Variants in DMD observed in about 807,000 individuals in gnomAD.
The protein encoded by DMD is dystrophin.
In DMD, 63 loss-of-function variants were observed where a neutral mutation model predicts 330.1. The observed-to-expected ratio is 0.19, with a 90% CI of 0.16 to 0.24. DMD has a LOEUF of 0.24. Ranked by LOEUF, DMD falls within the 10% of genes least tolerant of loss-of-function variation. The probability of loss-of-function intolerance (pLI) is 1.00; values close to 1 mark genes in which losing one functional copy is unlikely to be tolerated. For missense variants in DMD, 3,344 were observed against 2,684.1 expected (o/e 1.25, Z -5.43); for synonymous variants, 1,223 against 959.8 (o/e 1.27, Z -5.07).
chrX:32,049,051 G>A (rs756178505), intron 44 of DMD, among the ~76,000 whole-genome samples: 10 of 111,213 alleles, frequency 9.0e-5, no homozygotes, highest in Non-Finnish European at 1.9e-4. Context: ...CAAAATGAAT[G>A]AAAGCCACTG....
chrX:31,835,702 A>G (rs2093181282), intron 49 of DMD, among the ~76,000 whole-genome samples: 1 of 111,919 alleles, frequency 8.9e-6, no homozygotes, highest in Non-Finnish European at 1.9e-5. Context: ...ACAATCTTCT[A>G]GAAATGAAGC....
intron 1 of DMD, among the ~76,000 whole-genome samples, chrX:33,168,387 T>C (rs747727974): frequency 1.8e-5 from 2 of 110,467 alleles, no homozygotes; most frequent in Non-Finnish European, 3.8e-5. Flanking sequence ...TGTAGTGGGC[T>C]CAGGTGTTTT....
intron 54 of DMD, among the ~76,000 whole-genome samples, chrX:31,637,124 G>A (rs2079462930): frequency 9.0e-6 from 1 of 111,705 alleles, no homozygotes; most frequent in East Asian, 2.8e-4. Context: ...CCAACTGAAC[G>A]ATGAATTAAT....
At chrX:33,267,895 A>G (rs917297723) in intron 1 of DMD, among the ~76,000 whole-genome samples, 2 of 111,893 alleles carry the variant, frequency 1.8e-5, no homozygotes, top group Non-Finnish European at 3.8e-5. Context: ...ATATACAAAA[A>G]TAAACTCATG....
At chrX:32,162,979 T>G (rs780464031) in intron 44 of DMD, among the ~76,000 whole-genome samples, 1 of 111,516 alleles carries the variant, frequency 9.0e-6, no homozygotes, top group Non-Finnish European at 1.9e-5. Flanking sequence ...CACATACTTC[T>G]TCCCTGAATC....
At chrX:32,131,885 G>A (rs2096696961) in intron 44 of DMD, among the ~76,000 whole-genome samples, 1 of 111,839 alleles carries the variant, frequency 8.9e-6, no homozygotes, top group Non-Finnish European at 1.9e-5. Flanking sequence ...AGTAGTTGGA[G>A]GGTAAAGTCA....
At chrX:32,732,798 C>A (rs1232010956) in intron 7 of DMD, among the ~76,000 whole-genome samples, 1 of 110,270 alleles carries the variant, frequency 9.1e-6, no homozygotes, top group African/African-American at 3.3e-5. Flanking sequence ...GTACCAGCCG[C>A]TGCAAAATCA....
rs2032566243 is a variant in DMD, at chrX:31,121,577, A to T, written c.*342T>A. 1 of 290,124 alleles carries T rather than the reference A, an allele frequency of 3.4e-6. No individual in the cohort carries two copies. The highest frequency in any genetic ancestry group is 2.7e-5 in the African/African-American group (1 of 36,486). The allele number at this position is 290,124 out of a possible 1,213,427, so 23.9% of individuals were successfully genotyped here. The stretch of plus-strand genomic sequence containing the variant: ...AACAACCCAAAATGCGTTCCATATA[A>T]AGAAATGGCAAGTTATTTAGCTATC... On this transcript the variant is annotated 3_prime_UTR_variant, in exon 79 of 79. Coordinates refer to ENST00000357033, the MANE Select transcript of DMD (RefSeq NM_004006.3).
chrX:31,527,032 T>A (rs1295115002), intron 55 of DMD, among the ~76,000 whole-genome samples: 1 of 111,113 alleles, frequency 9.0e-6, no homozygotes, highest in Admixed American at 9.5e-5. Flanking sequence ...GAGGATCACC[T>A]GAGCCCAGGG....
intron 55 of DMD, among the ~76,000 whole-genome samples, chrX:31,527,932 T>C (rs1407286581): frequency 9.0e-6 from 1 of 111,553 alleles, no homozygotes; most frequent in African/African-American, 3.3e-5. Flanking sequence ...TAGTTTCTCT[T>C]TTCTGCAGTG....
chrX:31,522,604 T>C (rs1309480454), intron 55 of DMD, among the ~76,000 whole-genome samples: 2 of 108,423 alleles, frequency 1.8e-5, no homozygotes, highest in African/African-American at 6.8e-5. Flanking sequence ...AAGGGAGATA[T>C]TTTTGAGAGA....
intron 12 of DMD, among the ~76,000 whole-genome samples, chrX:32,608,012 C>A (rs751672695): frequency 3.8e-4 from 42 of 109,299 alleles, no homozygotes; most frequent in Admixed American, 3.3e-3. Context: ...AATGTTAGTG[C>A]CTCTAAGATG....
Position 32,406,090 on chromosome X carries a change from G to T in DMD, c.4233+5662C>A, listed in dbSNP as rs183059176. Among the ~76,000 whole-genome samples, 560 of 111,588 alleles carry T rather than the reference G, an allele frequency of 5.0e-3. 4 individuals are homozygous for T. Among genetic ancestry groups the T allele is most frequent in the African/African-American group, 0.018 (543 of 30,730 alleles). On this transcript the variant is annotated intron_variant, in intron 30 of 78. Coordinates refer to ENST00000357033, the MANE Select transcript of DMD (RefSeq NM_004006.3). Reference sequence around the variant, plus strand: ...GTGTATAAGAATGCTTGTGATTTTTGCACATTGATTTTGCATGCTGAGACT... The same window carrying T: ...GTGTATAAGAATGCTTGTGATTTTTTCACATTGATTTTGCATGCTGAGACT...
chrX:33,055,954 A>G (rs1054367789), intron 1 of DMD, among the ~76,000 whole-genome samples: 15 of 110,443 alleles, frequency 1.4e-4, no homozygotes, highest in Non-Finnish European at 1.9e-5. Context: ...CCTAGAGACT[A>G]TATCAAAATC....
intron 1 of DMD, among the ~76,000 whole-genome samples, chrX:33,228,631 C>T (rs1178926540): frequency 9.2e-6 from 1 of 108,983 alleles, no homozygotes; most frequent in East Asian, 2.9e-4. Flanking sequence ...CAGTTAAATA[C>T]ATTAGAAAAG....
At chrX:31,779,059 C>T (rs1454959516) in intron 50 of DMD, among the ~76,000 whole-genome samples, 1 of 111,521 alleles carries the variant, frequency 9.0e-6, no homozygotes, top group Non-Finnish European at 1.9e-5. Flanking sequence ...GTCTGAGCAA[C>T]CTGTTCACAG....
intron 53 of DMD, among the ~76,000 whole-genome samples, chrX:31,678,566 G>C (rs2082207406): frequency 9.0e-6 from 1 of 111,439 alleles, no homozygotes; most frequent in Non-Finnish European, 1.9e-5. Flanking sequence ...AGACTACTAA[G>C]CAGACAGATA....
At chrX:32,954,579 G>C (rs2091458306) in intron 2 of DMD, among the ~76,000 whole-genome samples, 1 of 112,005 alleles carries the variant, frequency 8.9e-6, no homozygotes, top group African/African-American at 3.2e-5. Context: ...ACATGTGCAT[G>C]TGTGTTATAT....
At chrX:31,586,857 G>A in intron 55 of DMD, among the ~76,000 whole-genome samples, 1 of 112,109 alleles carries the variant, frequency 8.9e-6, no homozygotes, top group African/African-American at 3.2e-5. Flanking sequence ...GCATTTTAAC[G>A]CAGTGAGTAA....
Sources: gnomAD v4.1 joint callset for allele counts (sites outside exome capture counted in the v4.1 genomes callset) on GRCh38, gnomAD v4.1.1 for gene constraint, MANE v1.5 for transcripts, NCBI Gene and HGNC (gene_info 2026-07-23, HGNC 2026-07-21) for gene names.